Variants in ATP6V0D1 observed in about 807,000 individuals in gnomAD.
ATP6V0D1 encodes ATPase H+ transporting V0 subunit d1.
Under a neutral mutation model 39.0 loss-of-function variants are expected in ATP6V0D1, and 13 were observed. The ratio of observed to expected loss-of-function variants is 0.33; its 90% CI spans 0.22 to 0.53. The LOEUF (loss-of-function observed/expected upper bound fraction) is 0.53, where lower values mean the gene tolerates loss of function less well. ATP6V0D1 is among the 20% of genes least tolerant of loss of function. ATP6V0D1 has a pLI of 0.94. For missense variants in ATP6V0D1, 272 were observed against 470.9 expected (o/e 0.58, Z 3.91); for synonymous variants, 191 against 191.2 (o/e 1.00, Z 0.01).
intron 1 of ATP6V0D1, chr16:67,457,720 G>C: frequency 8.9e-7 from 1 of 1,120,808 alleles, no homozygotes; most frequent in African/African-American, 1.6e-5. Context: ...TCTTCTGCAG[G>C]CCCCCCACTC....
chr16:67,453,631 T>C lies in ATP6V0D1; in HGVS notation c.215A>G (p.Asp72Gly). ...ASPLTVSVID[D>G]RLKEKMVVEF... Reference sequence around the variant, plus strand: ...CACCACCATCTTCTCCTTGAGCCGGTCATCGATGACTGACACCGTCAGAGG... The same window carrying C: ...CACCACCATCTTCTCCTTGAGCCGGCCATCGATGACTGACACCGTCAGAGG... Residue 72 changes from aspartate (D) to glycine (G), a missense_variant, in exon 2 of 8, where the codon GAC becomes GGC. Physicochemically the swap from Asp to Gly is moderately conservative, Grantham distance 94. Coordinates refer to ENST00000290949, the MANE Select transcript of ATP6V0D1 (RefSeq NM_004691.5). The surrounding 1 kb of genome is among the most constrained non-coding windows in gnomAD (Gnocchi z 4.1). 6.2e-7 allele frequency: 1 copy of C among 1,614,186 alleles called. No individual in the cohort carries two copies. Among genetic ancestry groups the C allele is most frequent in the South Asian group, 1.1e-5 (1 of 91,076 alleles).
chr16:67,464,934 A>G (rs1015540636), intron 1 of ATP6V0D1, among the ~76,000 whole-genome samples: 6 of 152,242 alleles, frequency 3.9e-5, no homozygotes, highest in African/African-American at 1.4e-4. Flanking sequence ...ACATTCACAC[A>G]GGGGCAATCC....
intron 1 of ATP6V0D1, among the ~76,000 whole-genome samples, chr16:67,466,469 C>T (rs926007045): frequency 2.0e-5 from 3 of 151,370 alleles, no homozygotes; most frequent in South Asian, 2.1e-4. Flanking sequence ...GCGGAGGTTG[C>T]GGTGAGCCAA....
At position 67,444,391 on chromosome 16, in the gene ATP6V0D1, G is replaced by T; in HGVS notation, c.481+137C>A. On this transcript the variant is annotated intron_variant, in intron 3 of 7. Transcript: ENST00000290949. The surrounding 1 kb of genome is among the most constrained non-coding windows in gnomAD (Gnocchi z 4.8). ...GAGAGAATCGGAGGAGGAAGTTGAAGGGAGACAAAGGTAAGCAGCAGTGGG... is the reference window on the plus strand; with the variant it reads ...GAGAGAATCGGAGGAGGAAGTTGAATGGAGACAAAGGTAAGCAGCAGTGGG... 1.1e-6 allele frequency: 1 copy of T among 892,424 alleles called. No individual in the cohort carries two copies. Among genetic ancestry groups the T allele is most frequent in the Non-Finnish European group, 1.6e-6 (1 of 608,092 alleles). 55.3% of individuals were successfully genotyped at this position (892,424 alleles called of 1,614,324 possible).
chr16:67,467,909 G>A (rs775956161), intron 1 of ATP6V0D1, among the ~76,000 whole-genome samples: 4 of 152,216 alleles, frequency 2.6e-5, no homozygotes, highest in Non-Finnish European at 4.4e-5. Context: ...TGGTGCTATA[G>A]CAGGCATCCT....
At position 67,453,366 on chromosome 16, in the gene ATP6V0D1, C is replaced by G. The variant is rs1013619073; in HGVS notation, c.302+178G>C. Among the ~76,000 whole-genome samples the G allele has an allele frequency of 2.0e-5, 3 of 152,196 alleles. No homozygotes were observed. The highest frequency in any genetic ancestry group is 4.4e-5 in the Non-Finnish European group (3 of 68,034). On this transcript the variant is annotated intron_variant, in intron 2 of 7. Coordinates refer to ENST00000290949, the MANE Select transcript of ATP6V0D1 (RefSeq NM_004691.5). This position sits in a 1 kb window ranked among gnomAD's most constrained non-coding sequence, Gnocchi z 4.1. The stretch of plus-strand genomic sequence containing the variant: ...CAGGGTTGTTGAATGACCACGCACA[C>G]AGTCAGGGAGGACTCTGAAGGTAGG...
rs2041095653 is a variant in ATP6V0D1 at position 67,444,766 on chromosome 16, T to C, written c.303-60A>G. ...AGGTGGGGGCCGGGAAGTCCTGGCA[T>C]AGCACCATGCCCTCGCCCGCCTGCA... On this transcript the variant is annotated intron_variant, in intron 2 of 7. Coordinates refer to ENST00000290949, the MANE Select transcript of ATP6V0D1 (RefSeq NM_004691.5). This position sits in a 1 kb window ranked among gnomAD's most constrained non-coding sequence, Gnocchi z 4.8. 3 of 1,472,458 alleles carry C rather than the reference T, an allele frequency of 2.0e-6. No homozygotes were observed. The highest frequency in any genetic ancestry group is 2.0e-5 in the Admixed American group (1 of 49,528). 91.2% of individuals were successfully genotyped at this position (1,472,458 alleles called of 1,614,324 possible).
At chr16:67,459,050 C>T (rs1168972975) in intron 1 of ATP6V0D1, 2 of 985,724 alleles carry the variant, frequency 2.0e-6, no homozygotes, top group African/African-American at 3.5e-5. Flanking sequence ...GGAGTTCTGC[C>T]TCTCCCCCAC....
rs1387614971 is a variant in ATP6V0D1 at position 67,456,125 on chromosome 16, T to G, written c.131-2410A>C. 1 of 151,574 alleles carries G rather than the reference T, an allele frequency of 6.6e-6. No individual in the cohort carries two copies. The highest frequency in any genetic ancestry group is 2.4e-5 in the African/African-American group (1 of 41,158). 9.4% of individuals were successfully genotyped at this position (151,574 alleles called of 1,614,324 possible). A position where few individuals can be genotyped will look rare whatever the true frequency, so the allele number is the denominator to read the frequency against. On this transcript the variant is annotated intron_variant, in intron 1 of 7. Coordinates refer to ENST00000290949, the MANE Select transcript of ATP6V0D1 (RefSeq NM_004691.5). This position sits in a 1 kb window ranked among gnomAD's most constrained non-coding sequence, Gnocchi z 4.1. The stretch of plus-strand genomic sequence containing the variant: ...GATTCTCCTGCCTCAGCCTCCCGAG[T>G]AGCTGGGACTAAAGGTGCATGCCAC...
chr16:67,453,454 G>A lies in ATP6V0D1; in HGVS notation c.302+90C>T. On this transcript the variant is annotated intron_variant, in intron 2 of 7. Coordinates refer to ENST00000290949, the MANE Select transcript of ATP6V0D1 (RefSeq NM_004691.5). This position sits in a 1 kb window ranked among gnomAD's most constrained non-coding sequence, Gnocchi z 4.1. ...TCTGACAGCTGACACAGGCACGAAGGCAGCTAGCCTAAGCCACACTGAACC... is the reference window on the plus strand; with the variant it reads ...TCTGACAGCTGACACAGGCACGAAGACAGCTAGCCTAAGCCACACTGAACC... 1 of 1,481,942 alleles carries A rather than the reference G, an allele frequency of 6.7e-7. No homozygotes were observed. Among genetic ancestry groups the A allele is most frequent in the East Asian group, 2.3e-5 (1 of 43,876 alleles). 91.8% of individuals were successfully genotyped at this position (1,481,942 alleles called of 1,614,324 possible). A position where few individuals can be genotyped will look rare whatever the true frequency, so the allele number is the denominator to read the frequency against.
chr16:67,478,682 C>A (rs1365182875), intron 1 of ATP6V0D1, among the ~76,000 whole-genome samples: 1 of 122,002 alleles, frequency 8.2e-6, no homozygotes, highest in African/African-American at 3.1e-5. Context: ...CTGAATGCCA[C>A]ACTAAAGATC....
chr16:67,480,881 C>G, intron 1 of ATP6V0D1, 76 bp downstream of exon 1: 2 of 1,562,978 alleles, frequency 1.3e-6, no homozygotes, highest in Non-Finnish European at 1.7e-6. Flanking sequence ...CCCCCCCTTC[C>G]GGCTTCCCGG....
intron 3 of ATP6V0D1, 53 bp from the exon 4 acceptor site, chr16:67,443,231 T>C: frequency 1.3e-6 from 2 of 1,579,442 alleles, no homozygotes; most frequent in Non-Finnish European, 1.7e-6. Flanking sequence ...GCCAGAATCC[T>C]GATGTTCAAA....
intron 1 of ATP6V0D1, among the ~76,000 whole-genome samples, chr16:67,479,974 C>T (rs1480526309): frequency 7.3e-6 from 1 of 137,602 alleles, no homozygotes; most frequent in Non-Finnish European, 1.5e-5. Flanking sequence ...CCGAGGCGGG[C>T]GGATCACGAG....
At chr16:67,443,201 G>T in intron 3 of ATP6V0D1, 23 bp from the exon 4 acceptor site, 1 of 1,612,944 alleles carries the variant, frequency 6.2e-7, no homozygotes, top group African/African-American at 1.3e-5. Context: ...CATGGTTTGA[G>T]GGGTGGGCAG....
chr16:67,467,466 C>T (rs375311988), intron 1 of ATP6V0D1, among the ~76,000 whole-genome samples: 2 of 152,090 alleles, frequency 1.3e-5, no homozygotes, highest in South Asian at 2.1e-4. Flanking sequence ...GATCATGCCA[C>T]TGCACTCCAG....
chr16:67,461,102 C>CT (rs2041286162), intron 1 of ATP6V0D1, among the ~76,000 whole-genome samples: 1 of 152,214 alleles, frequency 6.6e-6, no homozygotes, highest in Admixed American at 6.5e-5. Context: ...CTGGCAGACA[C>CT]CATGAGCCCA....
intron 2 of ATP6V0D1, chr16:67,446,008 G>A (rs559787521): frequency 8.8e-6 from 4 of 454,476 alleles, no homozygotes; most frequent in East Asian, 1.4e-4. Context: ...TTCTGAGCTG[G>A]GCACTGAACA....
chr16:67,470,226 G>C (rs113728352), intron 1 of ATP6V0D1, among the ~76,000 whole-genome samples: 37 of 152,228 alleles, frequency 2.4e-4, no homozygotes, highest in Admixed American at 3.9e-4. Flanking sequence ...TTGCAGGGTC[G>C]CACGGTATAT....
Sources: allele counts gnomAD v4.1 joint callset (sites outside exome capture counted in the v4.1 genomes callset), GRCh38; gene constraint gnomAD v4.1.1; non-coding constraint Gnocchi (gnomAD v3.1); transcripts MANE v1.5; gene names NCBI Gene and HGNC (gene_info 2026-07-23, HGNC 2026-07-21).